The following PEX7 variants were observed in gnomAD, a reference collection of about 807,000 sequenced individuals.
PEX7 encodes the protein PTS2 receptor.
In PEX7, 34 loss-of-function variants were observed where a neutral mutation model predicts 47.5. The observed-to-expected ratio is 0.72, with a 90% CI of 0.54 to 0.95. The LOEUF (loss-of-function observed/expected upper bound fraction) is 0.95, where lower values mean the gene tolerates loss of function less well. PEX7 is among the 40% of genes least tolerant of loss of function. The pLI, the probability that PEX7 is intolerant of heterozygous loss-of-function variation, is 0.00. For synonymous variants in PEX7, 141 were observed against 148.8 expected (o/e 0.95, Z 0.38); for missense variants, 394 against 400.3 (o/e 0.98, Z 0.13).
Position 136,913,727 on chromosome 6 carries a change from T to C in PEX7, c.*201T>C, listed in dbSNP as rs569023594. 1 of 576,952 alleles carries C rather than the reference T, an allele frequency of 1.7e-6. No individual in the cohort carries two copies. Among genetic ancestry groups the C allele is most frequent in the African/African-American group, 1.9e-5 (1 of 53,372 alleles). 35.7% of individuals were successfully genotyped at this position (576,952 alleles called of 1,614,324 possible). Reference sequence around the variant, plus strand: ...TTAAGCCTGATACATAAGCCATATTTAAAATTCTAAGAAATAATTAATGTT... The same window carrying C: ...TTAAGCCTGATACATAAGCCATATTCAAAATTCTAAGAAATAATTAATGTT... On this transcript the variant is annotated 3_prime_UTR_variant, in exon 10 of 10. Coordinates refer to ENST00000318471, the MANE Select transcript of PEX7 (RefSeq NM_000288.4).
intron 9 of PEX7, among the ~76,000 whole-genome samples, chr6:136,899,064 GTTTTTTTTTTCTTTTCTTTT>G (rs1562757179): frequency 2.4e-5 from 3 of 125,640 alleles, no homozygotes; most frequent in Admixed American, 8.1e-5. Flanking sequence ...ATATGTAAGT[GTTTTTTTTTTCTTTTCTTTT>G]TTTTTTTTTT....
At chr6:136,868,173 C>G (rs35265594) in intron 6 of PEX7, among the ~76,000 whole-genome samples, 18,169 of 152,202 alleles carry the variant, frequency 0.12, 1,129 homozygotes, top group Admixed American at 0.15. Context: ...TGGGTGTGTA[C>G]TAGGCTGTAC....
chr6:136,883,959 C>T (rs1775423506), intron 8 of PEX7, among the ~76,000 whole-genome samples: 1 of 152,106 alleles, frequency 6.6e-6, no homozygotes, highest in Non-Finnish European at 1.5e-5. Flanking sequence ...TTTTAACATT[C>T]GTTGTAGCTA....
intron 5 of PEX7, among the ~76,000 whole-genome samples, chr6:136,860,483 C>T (rs1217285242): frequency 1.5e-5 from 2 of 131,848 alleles, no homozygotes; most frequent in Non-Finnish European, 3.1e-5. Context: ...CACATGGACA[C>T]AGGAAGGGGA....
intron 3 of PEX7, among the ~76,000 whole-genome samples, chr6:136,833,508 A>T (rs1774331472): frequency 6.6e-6 from 1 of 152,238 alleles, no homozygotes; most frequent in Admixed American, 6.5e-5. Context: ...TATCAACTGA[A>T]GGCATTTTTT....
intron 6 of PEX7, among the ~76,000 whole-genome samples, chr6:136,867,800 A>C (rs745540303): frequency 9.2e-5 from 14 of 151,578 alleles, no homozygotes. Flanking sequence ...AACAACAACA[A>C]AAAACTTTAA....
chr6:136,838,584 T>C (rs1582740448), intron 3 of PEX7, among the ~76,000 whole-genome samples: 1 of 152,190 alleles, frequency 6.6e-6, no homozygotes, highest in Non-Finnish European at 1.5e-5. Context: ...CAGGGAAATA[T>C]GAATAAGGAC....
intron 3 of PEX7, among the ~76,000 whole-genome samples, chr6:136,832,169 C>A (rs1001872536): frequency 2.6e-5 from 4 of 152,268 alleles, no homozygotes; most frequent in African/African-American, 9.6e-5. Context: ...CTCTTGTCTT[C>A]TAAACTCTTC....
chr6:136,885,555 A>T (rs1030407010), intron 8 of PEX7, among the ~76,000 whole-genome samples: 3 of 152,202 alleles, frequency 2.0e-5, no homozygotes. Context: ...AAATTGTACA[A>T]CTGTACTCTA....
At chr6:136,857,336 G>A (rs1026006989) in intron 5 of PEX7, among the ~76,000 whole-genome samples, 3 of 152,176 alleles carry the variant, frequency 2.0e-5, no homozygotes, top group Non-Finnish European at 2.9e-5. Context: ...TAAGATATGG[G>A]AGTAACCATC....
intron 9 of PEX7, among the ~76,000 whole-genome samples, chr6:136,911,059 C>T (rs904416458): frequency 5.9e-5 from 9 of 152,116 alleles, no homozygotes; most frequent in African/African-American, 9.7e-5. Context: ...CAAATAGATA[C>T]GTCTGTGAAA....
At chr6:136,849,586 A>G (rs1774697816) in intron 5 of PEX7, among the ~76,000 whole-genome samples, 1 of 152,034 alleles carries the variant, frequency 6.6e-6, no homozygotes, top group African/African-American at 2.4e-5. Context: ...GAACATCTTT[A>G]TTTCTGCCTT....
chr6:136,884,887 C>G (rs1410160419), intron 8 of PEX7, among the ~76,000 whole-genome samples: 1 of 152,136 alleles, frequency 6.6e-6, no homozygotes, highest in East Asian at 1.9e-4. Context: ...CAAGATAATA[C>G]TAAAGTTAAA....
At chr6:136,881,283 G>A (rs1234119857) in intron 8 of PEX7, among the ~76,000 whole-genome samples, 1 of 152,126 alleles carries the variant, frequency 6.6e-6, no homozygotes, top group East Asian at 1.9e-4. Flanking sequence ...CTTTCAACAA[G>A]GTGTGAATGG....
intron 8 of PEX7, among the ~76,000 whole-genome samples, chr6:136,897,632 A>G (rs549698980): frequency 6.6e-6 from 1 of 152,350 alleles, no homozygotes; most frequent in South Asian, 2.1e-4. Context: ...TTTTCATAAG[A>G]GAACAGATTT....
intron 8 of PEX7, among the ~76,000 whole-genome samples, chr6:136,882,291 C>T (rs566148736): frequency 6.0e-5 from 9 of 151,000 alleles, no homozygotes; most frequent in African/African-American, 2.2e-4. Context: ...GATTCTCCCA[C>T]CTTAGCCTCC....
chr6:136,827,116 A>T (rs1321392007), intron 3 of PEX7, among the ~76,000 whole-genome samples: 2 of 152,212 alleles, frequency 1.3e-5, no homozygotes, highest in African/African-American at 4.8e-5. Flanking sequence ...CATCCTTCAG[A>T]TGAAAACTTG....
chr6:136,912,404 G>A (rs183750966), intron 9 of PEX7, among the ~76,000 whole-genome samples: 1 of 151,358 alleles, frequency 6.6e-6, no homozygotes, highest in East Asian at 1.9e-4. Context: ...ATTTTTATGT[G>A]CAAAGTTGGG....
rs541125724 is a variant in PEX7, at chr6:136,849,631, G to A, written c.526+3450G>A. Among the ~76,000 whole-genome samples the A allele has an allele frequency of 8.0e-4, 121 of 152,118 alleles. 1 individual carries two copies. The highest frequency in any genetic ancestry group is 6.0e-4 in the Non-Finnish European group (41 of 67,986). ...ATGTATCCAGTAGTCATTCAGGAGC[G>A]GGTTGTTCAGTGTCCATGTAGTTCT... On this transcript the variant is annotated intron_variant, in intron 5 of 9. Coordinates refer to ENST00000318471, the MANE Select transcript of PEX7 (RefSeq NM_000288.4).
Sources: gnomAD v4.1 joint callset for allele counts (sites outside exome capture counted in the v4.1 genomes callset) on GRCh38, gnomAD v4.1.1 for gene constraint, MANE v1.5 for transcripts, NCBI Gene and HGNC (gene_info 2026-07-23, HGNC 2026-07-21) for gene names.